Variants in ABCC1 observed in about 807,000 individuals in gnomAD.
The protein encoded by ABCC1 is ATP binding cassette subfamily C member 1 (ABCC1 blood group), also known as multidrug resistance-associated protein 1.
A neutral mutation model predicts 172.9 loss-of-function variants in ABCC1; 83 were observed. The ratio of observed to expected loss-of-function variants is 0.48; its 90% CI spans 0.40 to 0.58. The LOEUF is 0.58. Among genes scored for constraint, ABCC1 ranks in the 20% least tolerant of loss-of-function variants. ABCC1 has a pLI of 0.00. For synonymous variants in ABCC1, 937 were observed against 825.2 expected (o/e 1.14, Z -2.32); for missense variants, 1,817 against 2,002.7 (o/e 0.91, Z 1.77).
At chr16:15,972,065 C>A (rs2046382250) in intron 1 of ABCC1, among the ~76,000 whole-genome samples, 1 of 152,184 alleles carries the variant, frequency 6.6e-6, no homozygotes, top group African/African-American at 2.4e-5. Context: ...CTGCACATAA[C>A]TTGTTTCAGG....
At chr16:16,001,120 G>C (rs1025837110) in intron 1 of ABCC1, among the ~76,000 whole-genome samples, 19 of 152,302 alleles carry the variant, frequency 1.2e-4, no homozygotes, top group African/African-American at 3.8e-4. Flanking sequence ...GGCACATTTG[G>C]GGAACAGGGT....
chr16:16,061,038 C>T (rs762452897), intron 12 of ABCC1, among the ~76,000 whole-genome samples: 1 of 152,058 alleles, frequency 6.6e-6, no homozygotes, highest in Non-Finnish European at 1.5e-5. Flanking sequence ...AATTCTCCTG[C>T]CTCAGCGTCC....
intron 1 of ABCC1, among the ~76,000 whole-genome samples, chr16:16,001,377 T>C (rs2047302421): frequency 1.3e-5 from 2 of 152,018 alleles, no homozygotes; most frequent in South Asian, 4.1e-4. Flanking sequence ...CACGCCCGGC[T>C]AATTTTTTGT....
intron 25 of ABCC1, among the ~76,000 whole-genome samples, chr16:16,125,199 T>C (rs2045376737): frequency 6.6e-6 from 1 of 152,214 alleles, no homozygotes; most frequent in African/African-American, 2.4e-5. Flanking sequence ...AATTTCCCTC[T>C]AAGAACTGCT....
In ABCC1 at chr16:16,116,063, C is replaced by A. The variant is rs915653584; in HGVS notation, c.3390+987C>A. Among the ~76,000 whole-genome samples the A allele has an allele frequency of 2.2e-4, 34 of 152,092 alleles. 1 individual carries two copies. The East Asian group carries it at 6.0e-3, about 27-fold the overall frequency. ...GACTACAGGCGCCCGCCACTACGCC[C>A]AGCTAATTTTTTTTGTATTTTCAGT... On this transcript the variant is annotated intron_variant, in intron 23 of 30. Transcript: ENST00000399410.
chr16:15,969,498 G>A (rs1280929318), intron 1 of ABCC1, among the ~76,000 whole-genome samples: 5 of 150,840 alleles, frequency 3.3e-5, no homozygotes, highest in South Asian at 4.3e-4. Context: ...TCAGCCCCCC[G>A]AGTAGCTGGG....
At chr16:16,051,988 T>C (rs528849187) in intron 10 of ABCC1, among the ~76,000 whole-genome samples, 26 of 113,078 alleles carry the variant, frequency 2.3e-4, no homozygotes, top group African/African-American at 7.9e-4. Flanking sequence ...CCCAGCTACT[T>C]GGGAGGCAGA....
rs553176789 is a variant in ABCC1, at chr16:16,105,763, G to A, written c.2736-975G>A. 1.3e-4 allele frequency among the ~76,000 whole-genome samples: 19 copies of A among 149,036 alleles called. 1 individual carries two copies. The highest frequency in any genetic ancestry group is 1.8e-4 in the Non-Finnish European group (12 of 67,576). ...GTCTCCCTCTGTCGCCCAGGCTGGA[G>A]TGCAGTGTGCAGTGGCGCGATGTCA... On this transcript the variant is annotated intron_variant, in intron 20 of 30. Transcript: ENST00000399410.
intron 16 of ABCC1, among the ~76,000 whole-genome samples, chr16:16,081,651 A>G (rs564015252): frequency 7.9e-5 from 12 of 152,302 alleles, no homozygotes; most frequent in Middle Eastern, 6.8e-3. Context: ...CAGGTTAATT[A>G]TTTGAGAATT....
chr16:15,999,490 C>G (rs910957331), intron 1 of ABCC1, among the ~76,000 whole-genome samples: 2 of 151,658 alleles, frequency 1.3e-5, no homozygotes, highest in South Asian at 4.2e-4. Context: ...TGGCAGGCGC[C>G]TATAGTCCCA....
At chr16:16,124,147 G>A (rs1001946592) in intron 24 of ABCC1, among the ~76,000 whole-genome samples, 4 of 152,122 alleles carry the variant, frequency 2.6e-5, no homozygotes, top group Admixed American at 6.5e-5. Flanking sequence ...TACTAGTTAC[G>A]CACTCCCCTC....
intron 3 of ABCC1, among the ~76,000 whole-genome samples, chr16:16,012,311 G>T (rs966136050): frequency 2.0e-5 from 3 of 152,134 alleles, no homozygotes; most frequent in African/African-American, 4.8e-5. Context: ...CCTGCTTTAC[G>T]CCTGGCTCTC....
chr16:15,994,136 C>T (rs555585418), intron 1 of ABCC1, among the ~76,000 whole-genome samples: 16 of 152,256 alleles, frequency 1.1e-4, no homozygotes, highest in Admixed American at 2.0e-4. Context: ...AGGAGGATTG[C>T]TGGAGCCCAG....
chr16:16,071,951 G>A (rs2050367101), intron 14 of ABCC1, among the ~76,000 whole-genome samples: 1 of 152,152 alleles, frequency 6.6e-6, no homozygotes, highest in South Asian at 2.1e-4. Flanking sequence ...CCAGGAGGGT[G>A]AACTTGCACT....
chr16:16,114,040 A>G (rs1282861885), intron 22 of ABCC1, among the ~76,000 whole-genome samples: 2 of 152,162 alleles, frequency 1.3e-5, no homozygotes, highest in African/African-American at 4.8e-5. Flanking sequence ...CTAACCGGTC[A>G]TGAGCTGCTG....
At chr16:15,991,001 G>A (rs899315750) in intron 1 of ABCC1, among the ~76,000 whole-genome samples, 36 of 152,060 alleles carry the variant, frequency 2.4e-4, no homozygotes, top group African/African-American at 8.2e-4. Context: ...GATAGTCCAT[G>A]GCATGTATAG....
chr16:16,079,337 G>A lies in ABCC1; in HGVS notation c.1989-15G>A. On this transcript the variant is annotated splice_polypyrimidine_tract_variant and intron_variant, in intron 15 of 30. Transcript: ENST00000399410. ...CATTCAGCGTGGCTGAGCCAGGTGTGTTGTGTCGTTTCAGCATCACCTTCT... is the reference window on the plus strand; with the variant it reads ...CATTCAGCGTGGCTGAGCCAGGTGTATTGTGTCGTTTCAGCATCACCTTCT... 6.2e-7 allele frequency: 1 copy of A among 1,613,412 alleles called. No homozygotes were observed.
intron 7 of ABCC1, among the ~76,000 whole-genome samples, chr16:16,042,719 A>C (rs979324465): frequency 6.7e-6 from 1 of 148,996 alleles, no homozygotes; most frequent in Admixed American, 6.7e-5. Flanking sequence ...AAAAAAAAAA[A>C]TCCCTATAAG....
chr16:15,968,388 TCTC>T (rs967592309), intron 1 of ABCC1, among the ~76,000 whole-genome samples: 1 of 151,820 alleles, frequency 6.6e-6, no homozygotes, highest in African/African-American at 2.4e-5. Context: ...CAGCCTCTCT[TCTC>T]CACAGATCCT....
Sources: allele counts gnomAD v4.1 joint callset (sites outside exome capture counted in the v4.1 genomes callset), GRCh38; gene constraint gnomAD v4.1.1; transcripts MANE v1.5; gene names NCBI Gene and HGNC (gene_info 2026-07-23, HGNC 2026-07-21).